TRIM17: variants seen among roughly 807,000 people sequenced by gnomAD.
TRIM17 encodes the protein E3 ubiquitin-protein ligase TRIM17.
In TRIM17, 27 loss-of-function variants were observed where a neutral mutation model predicts 35.8. The observed-to-expected ratio is 0.75, with a 90% CI of 0.56 to 1.04. TRIM17 has a LOEUF of 1.04. Ranked by LOEUF, TRIM17 falls within the 50% of genes least tolerant of loss-of-function variation. The pLI, the probability that TRIM17 is intolerant of heterozygous loss-of-function variation, is 0.00. For missense variants in TRIM17, 582 were observed against 612.8 expected (o/e 0.95, Z 0.53); for synonymous variants, 246 against 252.6 (o/e 0.97, Z 0.25).
In TRIM17 at chr1:228,408,949, G is replaced by C; in HGVS notation, c.884-198C>G. The C allele has an allele frequency of 6.0e-6, 9 of 1,503,598 alleles. No individual in the cohort carries two copies. The highest frequency in any genetic ancestry group is 7.1e-6 in the Non-Finnish European group (8 of 1,121,824). 93.1% of individuals were successfully genotyped at this position (1,503,598 alleles called of 1,614,324 possible). On this transcript the variant is annotated intron_variant, in intron 6 of 6. Coordinates refer to ENST00000366698, the MANE Select transcript of TRIM17 (RefSeq NM_016102.4). This position sits in a 1 kb window ranked among gnomAD's most constrained non-coding sequence, Gnocchi z 6.3. The stretch of plus-strand genomic sequence containing the variant: ...TGGGCCTTGGTGGCAATAAGGTACA[G>C]GGGGCTGGGCAGAGAGACCACTGGG...
Position 228,414,668 on chromosome 1 carries a change from G to A in TRIM17, c.405C>T (p.Ala135=), listed in dbSNP as rs989256597. 30 of 1,611,536 alleles carry A rather than the reference G, an allele frequency of 1.9e-5. No homozygotes were observed. The highest frequency in any genetic ancestry group is 4.4e-4 in the Middle Eastern group (2 of 4,504). ...REHRLHRVLP[A]EEAVQGYKLK... is the part of the protein sequence containing the mutation. ...CCTTGTACCCCTGCACTGCCTCCTC[G>A]GCGGGCAGCACCCTGTGCAGCCGGT... Residue 135 remains alanine (A), a synonymous_variant, in exon 2 of 7, where the codon GCC becomes GCT. Transcript: ENST00000366698.
At chr1:228,414,569 C>T (rs963203121) in intron 2 of TRIM17, 75 bp downstream of exon 2, 1 of 1,335,448 alleles carries the variant, frequency 7.5e-7, no homozygotes, top group East Asian at 2.3e-5. Context: ...TCCTCCCTCC[C>T]CCATGATCTG....
rs1656989590 is a variant in TRIM17 at position 228,414,756 on chromosome 1, AG to A, written c.316del (p.Leu106SerfsTer39). On this transcript the variant is annotated frameshift_variant, in exon 2 of 7. Coordinates refer to ENST00000366698, the MANE Select transcript of TRIM17 (RefSeq NM_016102.4). LOFTEE classifies it high-confidence loss of function. ...QDLCQEHHEP[L>X]KLFCQKDQSP... ...CTGGTCCTTCTGGCAGAAAAGCTTG[AG>A]GGGCTCGTGGTGCTCCTGGCACAGG... 1 of 1,612,898 alleles carries A rather than the reference AG, an allele frequency of 6.2e-7. No homozygotes were observed. Among genetic ancestry groups the A allele is most frequent in the East Asian group, 2.2e-5 (1 of 44,872 alleles).
chr1:228,409,773 C>A, intron 4 of TRIM17: 5 of 217,968 alleles, frequency 2.3e-5, no homozygotes, highest in Admixed American at 5.9e-5. Context: ...GGTGGGGGCG[C>A]AATTGGGTGC....
At chr1:228,409,648 C>T (rs1308006509) in intron 4 of TRIM17, 13 of 463,558 alleles carry the variant, frequency 2.8e-5, no homozygotes, top group Admixed American at 1.1e-4. Flanking sequence ...CACGGCCACA[C>T]GCCTGAGGTC....
At position 228,410,441 on chromosome 1, in the gene TRIM17, G is replaced by C. The variant is rs796371177; in HGVS notation, c.756+505C>G. ...CTCCACACCGAGACATGGAGTCCCT[G>C]TCCCAAAGCCACACCTGGCTGCCAG... On this transcript the variant is annotated intron_variant, in intron 4 of 6. Coordinates refer to ENST00000366698, the MANE Select transcript of TRIM17 (RefSeq NM_016102.4). The surrounding 1 kb of genome is among the most constrained non-coding windows in gnomAD (Gnocchi z 4.6). Among the ~76,000 whole-genome samples, 14 of 151,876 alleles carry C rather than the reference G, an allele frequency of 9.2e-5. No individual in the cohort carries two copies. The East Asian group carries it at 2.1e-3, about 23-fold the overall frequency.
In TRIM17 at chr1:228,410,854, C is replaced by G; in HGVS notation, c.756+92G>C. 1.1e-6 allele frequency: 1 copy of G among 922,732 alleles called. No individual in the cohort carries two copies. The highest frequency in any genetic ancestry group is 3.0e-5 in the Admixed American group (1 of 33,746). 57.2% of individuals were successfully genotyped at this position (922,732 alleles called of 1,614,324 possible). On this transcript the variant is annotated intron_variant, in intron 4 of 6. Coordinates refer to ENST00000366698, the MANE Select transcript of TRIM17 (RefSeq NM_016102.4). This position sits in a 1 kb window ranked among gnomAD's most constrained non-coding sequence, Gnocchi z 4.6. ...GCAGACTGGGAGCTAACAGCCCTTT[C>G]CCGTTGGCTGCCTCTTCCCCAAGCC...
intron 3 of TRIM17, among the ~76,000 whole-genome samples, chr1:228,412,014 G>A (rs919093836): frequency 2.0e-5 from 3 of 152,214 alleles, no homozygotes; most frequent in African/African-American, 7.2e-5. Flanking sequence ...CACTGATCAG[G>A]TCAGCCTGCC....
At chr1:228,409,052 C>G (rs549343328) in intron 6 of TRIM17, 120 bp downstream of exon 6, 5 of 1,611,694 alleles carry the variant, frequency 3.1e-6, no homozygotes, top group Admixed American at 1.7e-5. Flanking sequence ...AGCCAGTGAC[C>G]GTCACCAGGC....
At position 228,412,595 on chromosome 1, in the gene TRIM17, C is replaced by CAAA. The variant is rs34002550; in HGVS notation, c.525+1199_525+1201dup. Among the ~76,000 whole-genome samples, 89 of 47,426 alleles carry CAAA rather than the reference C, an allele frequency of 1.9e-3. 4 individuals are homozygous for CAAA. The highest frequency in any genetic ancestry group is 3.9e-3 in the Admixed American group (13 of 3,362). 31.1% of individuals were successfully genotyped at this position (47,426 alleles called of 152,430 possible). On this transcript the variant is annotated intron_variant, in intron 3 of 6. Transcript: ENST00000366698. ...GGGCAATAGCAAGACCTTGTCTCTA[C>CAAA]AAAAAAAAAAAAAAAAAAAAAAAAA...
intron 2 of TRIM17, 69 bp from the exon 3 acceptor site, chr1:228,413,961 T>C: frequency 2.2e-6 from 3 of 1,372,990 alleles, no homozygotes; most frequent in Non-Finnish European, 3.1e-6. Flanking sequence ...AGTCCAGTTG[T>C]GCTCGCTGAA....
chr1:228,414,222 G>A (rs546371601), intron 2 of TRIM17, among the ~76,000 whole-genome samples: 1 of 152,198 alleles, frequency 6.6e-6, no homozygotes, highest in Non-Finnish European at 1.5e-5. Context: ...TCTGTGCAAA[G>A]GGACCCTGCT....
In TRIM17 at chr1:228,413,893, C is replaced by G. The variant is rs762018184; in HGVS notation, c.430-1G>C. The G allele has an allele frequency of 6.2e-7, 1 of 1,613,820 alleles. No homozygotes were observed. The highest frequency in any genetic ancestry group is 1.1e-5 in the South Asian group (1 of 91,082). The stretch of plus-strand genomic sequence containing the variant: ...ACTCCATGTCCTCCTCCAGCTTCAA[C>G]TGTGGGACACACAAACCGCAGGATT... On this transcript the variant is annotated splice_acceptor_variant, in intron 2 of 6. Transcript: ENST00000366698. LOFTEE classifies it high-confidence loss of function.
At position 228,411,579 on chromosome 1, in the gene TRIM17, G is replaced by A. The variant is rs923920871; in HGVS notation, c.526-403C>T. On this transcript the variant is annotated intron_variant, in intron 3 of 6. Coordinates refer to ENST00000366698, the MANE Select transcript of TRIM17 (RefSeq NM_016102.4). The surrounding 1 kb of genome is among the most constrained non-coding windows in gnomAD (Gnocchi z 4.2). Reference sequence around the variant, plus strand: ...TGCAACCTTGACCTCCTGGGCTCAAGTCATCTGAGTAGCTGGGACCACAGG... The same window carrying A: ...TGCAACCTTGACCTCCTGGGCTCAAATCATCTGAGTAGCTGGGACCACAGG... 4.0e-5 allele frequency among the ~76,000 whole-genome samples: 6 copies of A among 151,898 alleles called. No individual in the cohort carries two copies. The highest frequency in any genetic ancestry group is 8.8e-5 in the Non-Finnish European group (6 of 67,994).
Position 228,408,357 on chromosome 1 carries a change from G to A in TRIM17, c.1278C>T (p.Ala426=), listed in dbSNP as rs758504303. The change falls in exon 7 of 7, where the codon GCC becomes GCT. Residue 426 remains alanine (A), a synonymous_variant. Transcript: ENST00000366698. This position sits in a 1 kb window ranked among gnomAD's most constrained non-coding sequence, Gnocchi z 6.3. The part of the protein sequence containing the change: ...SHMGIFLDFE[A]GEVSFYSVSD... Reference sequence around the variant, plus strand: ...TTACACTGTAGAAGGACACTTCCCCGGCTTCGAAGTCCAGGAAGATGCCCA... The same window carrying A: ...TTACACTGTAGAAGGACACTTCCCCAGCTTCGAAGTCCAGGAAGATGCCCA... 8.1e-6 allele frequency: 13 copies of A among 1,613,988 alleles called. No homozygotes were observed. The highest frequency in any genetic ancestry group is 3.3e-5 in the South Asian group (3 of 91,082).
rs1235076556 is a variant in TRIM17, at chr1:228,416,701, C to T, written c.-204G>A. On this transcript the variant is annotated 5_prime_UTR_variant, in exon 1 of 7. Transcript: ENST00000366698. ...AGGGACTTTGTGGCGTCAGCGGGGGCTGGGGGGCGGCGGGGGAGGGGAATG... is the reference window on the plus strand; with the variant it reads ...AGGGACTTTGTGGCGTCAGCGGGGGTTGGGGGGCGGCGGGGGAGGGGAATG... 7.6e-6 allele frequency: 1 copy of T among 131,410 alleles called. No homozygotes were observed. The highest frequency in any genetic ancestry group is 9.8e-6 in the Non-Finnish European group (1 of 101,840). 8.1% of individuals were successfully genotyped at this position (131,410 alleles called of 1,614,324 possible).
chr1:228,413,991 C>A, intron 2 of TRIM17, 99 bp from the exon 3 acceptor site: 1 of 965,248 alleles, frequency 1.0e-6, no homozygotes, highest in South Asian at 1.3e-5. Context: ...ACCCCAGAGA[C>A]CCTCCTCAGG....
intron 2 of TRIM17, 65 bp from the exon 3 acceptor site, chr1:228,413,957 G>C: frequency 2.1e-6 from 3 of 1,401,730 alleles, no homozygotes; most frequent in Non-Finnish European, 2.0e-6. Context: ...CTAGAGTCCA[G>C]TTGTGCTCGC....
chr1:228,408,491 T>C lies in TRIM17; in HGVS notation c.1144A>G (p.Lys382Glu). The C allele has an allele frequency of 6.2e-7, 1 of 1,613,990 alleles. No homozygotes were observed. The highest frequency in any genetic ancestry group is 2.2e-5 in the East Asian group (1 of 44,864). ...DNVSRKDRVP[K>E]CPENGFWVVQ... Reference sequence around the variant, plus strand: ...ACCCAGAAGCCGTTTTCGGGGCACTTGGGGACCCTGTCTTTCCGGCTCACG... The same window carrying C: ...ACCCAGAAGCCGTTTTCGGGGCACTCGGGGACCCTGTCTTTCCGGCTCACG... The change falls in exon 7 of 7, where the codon AAG becomes GAG. Residue 382 changes from lysine (K) to glutamate (E), a missense_variant. Transcript: ENST00000366698. The surrounding 1 kb of genome is among the most constrained non-coding windows in gnomAD (Gnocchi z 6.3).
Sources: gnomAD v4.1 joint callset for allele counts (sites outside exome capture counted in the v4.1 genomes callset) on GRCh38, gnomAD v4.1.1 for gene constraint, Gnocchi (gnomAD v3.1) non-coding constraint, MANE v1.5 for transcripts, NCBI Gene and HGNC (gene_info 2026-07-23, HGNC 2026-07-21) for gene names.